The following NDST3 variants were observed in gnomAD, a reference collection of about 807,000 sequenced individuals.
NDST3 encodes bifunctional heparan sulfate N-deacetylase/N-sulfotransferase 3.
NDST3 carries 58 observed loss-of-function variants against 96.1 expected under a neutral mutation model. The observed-to-expected ratio is 0.60, with a 90% CI of 0.49 to 0.75. NDST3 has a LOEUF of 0.75. Among genes scored for constraint, NDST3 ranks in the 30% least tolerant of loss-of-function variants. The pLI is 0.00. For missense variants in NDST3, 788 were observed against 1,034.2 expected, an observed-to-expected ratio of 0.76 and a Z score of 3.27; for synonymous variants, 333 against 359.7, an observed-to-expected ratio of 0.93 and a Z score of 0.84.
chr4:118,196,029 G>A (rs760464436), intron 6 of NDST3, among the ~76,000 whole-genome samples: 5 of 152,078 alleles, frequency 3.3e-5, no homozygotes, highest in South Asian at 2.1e-4. Context: ...CCTTCTATAC[G>A]CAGTTTTTTG....
chr4:118,149,186 C>T (rs1157445752), intron 6 of NDST3, among the ~76,000 whole-genome samples: 2 of 152,092 alleles, frequency 1.3e-5, no homozygotes, highest in South Asian at 2.1e-4. Flanking sequence ...AGTCAGGCAG[C>T]GTGGTTCCTC....
At chr4:118,100,178 C>A (rs1009397613) in intron 2 of NDST3, among the ~76,000 whole-genome samples, 23 of 151,962 alleles carry the variant, frequency 1.5e-4, no homozygotes, top group African/African-American at 5.3e-4. Flanking sequence ...GGGGCATCAT[C>A]CAATTTACTG....
chr4:118,053,899 A>G lies in NDST3; in HGVS notation c.-12A>G, dbSNP rs1725240756. 4.5e-6 allele frequency: 7 copies of G among 1,571,530 alleles called. No individual in the cohort carries two copies. In the South Asian group the frequency reaches 8.3e-5, roughly 19 times the overall value. On this transcript the variant is annotated 5_prime_UTR_variant, in exon 2 of 14. Transcript: ENST00000296499. ...TGCTTCTGTTGGCATAGTTGGGGAA[A>G]GCACCTACAACATGAGTTTTATCAT...
intron 6 of NDST3, among the ~76,000 whole-genome samples, chr4:118,209,122 T>C (rs561850808): frequency 2.7e-4 from 41 of 152,216 alleles, no homozygotes; most frequent in Middle Eastern, 3.2e-3. Flanking sequence ...ATGCTCTTCC[T>C]ATATCTATTA....
Position 118,233,101 on chromosome 4 carries a change from T to A in NDST3, c.1909T>A (p.Phe637Ile), listed in dbSNP as rs1389263229. ...AAAAACCTTTGAGGAGGTACAGTTC[T>A]TTAATAGAAATAACTACCACAGGGG... Reference protein sequence around the residue: ...SPKTFEEVQFFNRNNYHRGID... With the variant: ...SPKTFEEVQFINRNNYHRGID... The change falls in exon 9 of 14, where the codon TTT becomes ATT. Residue 637 changes from phenylalanine to isoleucine, a missense_variant. Coordinates refer to ENST00000296499, the MANE Select transcript of NDST3 (RefSeq NM_004784.3). 6.2e-7 allele frequency: 1 copy of A among 1,612,744 alleles called. No individual in the cohort carries two copies. Among genetic ancestry groups the A allele is most frequent in the African/African-American group, 1.3e-5 (1 of 74,896 alleles).
At chr4:118,251,125 A>ATTTTTTTTTTTTTTTTTTTT (rs370800744) in intron 12 of NDST3, among the ~76,000 whole-genome samples, 1 of 111,742 alleles carries the variant, frequency 8.9e-6, no homozygotes. Flanking sequence ...TATTATTTTT[A>ATTTTTTTTTTTTTTTTTTTT]TTTTATTTTT....
chr4:118,145,198 A>G (rs1733853092), intron 6 of NDST3, among the ~76,000 whole-genome samples: 1 of 152,204 alleles, frequency 6.6e-6, no homozygotes, highest in South Asian at 2.1e-4. Context: ...CAGCCAGTAC[A>G]GTAATATACA....
chr4:118,138,885 CA>C (rs1302564622), intron 5 of NDST3, among the ~76,000 whole-genome samples: 2 of 152,152 alleles, frequency 1.3e-5, no homozygotes, highest in Non-Finnish European at 2.9e-5. Flanking sequence ...ATTCCCAAAT[CA>C]GAAAATCCTA....
chr4:118,044,637 C>T (rs1163219695), intron 1 of NDST3, among the ~76,000 whole-genome samples: 1 of 152,202 alleles, frequency 6.6e-6, no homozygotes, highest in African/African-American at 2.4e-5. Context: ...TCCCCCTAAT[C>T]AAGAAAGTTG....
At chr4:118,035,974 T>G (rs1372248522) in intron 1 of NDST3, among the ~76,000 whole-genome samples, 1 of 152,090 alleles carries the variant, frequency 6.6e-6, no homozygotes, top group Admixed American at 6.5e-5. Flanking sequence ...TTAAATTAAT[T>G]TTCTTGAGAA....
rs1486356507 is a variant in NDST3, at chr4:118,240,643, G to A, written c.2238G>A (p.Gly746=). Residue 746 remains glycine (G), a synonymous_variant, in exon 11 of 14, where the codon GGG becomes GGA. Coordinates refer to ENST00000296499, the MANE Select transcript of NDST3 (RefSeq NM_004784.3). Reference sequence around the variant, plus strand: ...TGCAGAAGAGATGTTTGGTCCCGGGGTGGTATGCCAGCCACATCGAGAGAT... The same window carrying A: ...TGCAGAAGAGATGTTTGGTCCCGGGATGGTATGCCAGCCACATCGAGAGAT... ...RALQKRCLVP[G]WYASHIERWL... is the part of the protein sequence containing the mutation. The A allele has an allele frequency of 2.5e-6, 4 of 1,613,746 alleles. No individual in the cohort carries two copies. Among genetic ancestry groups the A allele is most frequent in the Non-Finnish European group, 3.4e-6 (4 of 1,179,908 alleles).
rs1056879026 is a variant in NDST3 at position 118,072,129 on chromosome 4, T to C, written c.981+17238T>C. Reference sequence around the variant, plus strand: ...CAATACCATGCTGTTTGGGTTGCTATAGCCTTTTAGTATTGTTTGAAGTCA... The same window carrying C: ...CAATACCATGCTGTTTGGGTTGCTACAGCCTTTTAGTATTGTTTGAAGTCA... On this transcript the variant is annotated intron_variant, in intron 2 of 13. Transcript: ENST00000296499. 2.6e-5 allele frequency among the ~76,000 whole-genome samples: 4 copies of C among 152,282 alleles called. No individual in the cohort carries two copies. The East Asian group carries it at 5.8e-4, about 22-fold the overall frequency.
chr4:118,212,960 A>G (rs1473412138), intron 6 of NDST3, among the ~76,000 whole-genome samples: 1 of 152,170 alleles, frequency 6.6e-6, no homozygotes, highest in African/African-American at 2.4e-5. Context: ...TTGAATCCTC[A>G]CATGTAATTC....
Position 118,054,743 on chromosome 4 carries a change from T to G in NDST3, c.833T>G (p.Phe278Cys). The part of the protein sequence containing the change: ...QRVLFGNNLN[F>C]WLHKLIFIDA... ...GTTCTTTTTGGCAACAACTTGAACT[T>G]TTGGCTGCACAAGCTCATCTTCATA... is the stretch of plus-strand genomic sequence containing the variant. The change falls in exon 2 of 14, where the codon TTT becomes TGT. Residue 278 changes from phenylalanine to cysteine, a missense_variant. By Grantham distance (205) the Phe-to-Cys change is radical. Coordinates refer to ENST00000296499, the MANE Select transcript of NDST3 (RefSeq NM_004784.3). 6.2e-7 allele frequency: 1 copy of G among 1,613,390 alleles called. No individual in the cohort carries two copies. Among genetic ancestry groups the G allele is most frequent in the Non-Finnish European group, 8.5e-7 (1 of 1,179,488 alleles).
intron 1 of NDST3, among the ~76,000 whole-genome samples, chr4:118,049,126 T>A (rs1044961815): frequency 1.3e-5 from 2 of 152,096 alleles, no homozygotes; most frequent in South Asian, 4.1e-4. Context: ...AATAACTCCT[T>A]GGTGAACATC....
At chr4:118,114,747 T>C (rs1730924712) in intron 3 of NDST3, 59 bp from the exon 4 acceptor site, 6 of 1,511,722 alleles carry the variant, frequency 4.0e-6, no homozygotes, top group African/African-American at 1.4e-5. Flanking sequence ...GATAAGTAGA[T>C]TGATTGATCA....
At chr4:118,139,283 G>C (rs1733376262) in intron 5 of NDST3, among the ~76,000 whole-genome samples, 1 of 152,178 alleles carries the variant, frequency 6.6e-6, no homozygotes, top group Non-Finnish European at 1.5e-5. Flanking sequence ...GAAGACCTGG[G>C]ATATATTTTT....
At chr4:118,121,604 C>A (rs997569620) in intron 4 of NDST3, among the ~76,000 whole-genome samples, 10 of 152,036 alleles carry the variant, frequency 6.6e-5, no homozygotes, top group African/African-American at 1.9e-4. Context: ...CCAGTGGAAG[C>A]GGGATCATAA....
chr4:118,161,567 T>C (rs1735137013), intron 6 of NDST3, among the ~76,000 whole-genome samples: 1 of 152,182 alleles, frequency 6.6e-6, no homozygotes, highest in African/African-American at 2.4e-5. Flanking sequence ...TAAGCAAGCC[T>C]GGGCGATGGT....
Sources: allele counts gnomAD v4.1 joint callset (sites outside exome capture counted in the v4.1 genomes callset), GRCh38; gene constraint gnomAD v4.1.1; transcripts MANE v1.5; gene names NCBI Gene and HGNC (gene_info 2026-07-23, HGNC 2026-07-21).